Variants in RARB observed in about 807,000 individuals in gnomAD.
RARB encodes the protein retinoic acid receptor beta.
A neutral mutation model predicts 51.9 loss-of-function variants in RARB; 17 were observed. The ratio of observed to expected loss-of-function variants is 0.33; its 90% confidence interval spans 0.22 to 0.49. RARB has a LOEUF of 0.49. Among genes scored for constraint, RARB ranks in the 20% least tolerant of loss-of-function variants. The pLI, the probability that RARB is intolerant of heterozygous loss-of-function variation, is 0.99. For synonymous variants in RARB, 215 were observed against 195.4 expected, an observed-to-expected ratio of 1.10 and a Z score of -0.84; for missense variants, 369 against 550.8, an observed-to-expected ratio of 0.67 and a Z score of 3.30.
chr3:25,358,634 T>C (rs1031795146), intron 5 of RARB, among the ~76,000 whole-genome samples: 1 of 152,212 alleles, frequency 6.6e-6, no homozygotes, highest in East Asian at 1.9e-4. Context: ...ATAGCTCTTA[T>C]TATTTTGAGA....
At chr3:25,512,696 C>T (rs759895544) in intron 3 of RARB, among the ~76,000 whole-genome samples, 1 of 152,210 alleles carries the variant, frequency 6.6e-6, no homozygotes, top group East Asian at 1.9e-4. Flanking sequence ...CACATACACG[C>T]GACACACTTT....
chr3:25,333,423 G>A (rs1704965030), intron 5 of RARB, among the ~76,000 whole-genome samples: 1 of 152,056 alleles, frequency 6.6e-6, no homozygotes, highest in South Asian at 2.1e-4. Flanking sequence ...ACAAGAAATG[G>A]GGAAAGGATT....
intron 2 of RARB, among the ~76,000 whole-genome samples, chr3:24,865,022 G>A (rs1048846172): frequency 5.9e-5 from 9 of 152,072 alleles, no homozygotes; most frequent in African/African-American, 1.9e-4. Flanking sequence ...CGTCTCCATC[G>A]AATGTATTCT....
chr3:25,447,223 C>CA (rs540413275), intron 1 of RARB, among the ~76,000 whole-genome samples: 3 of 146,344 alleles, frequency 2.0e-5, no homozygotes, highest in Non-Finnish European at 1.5e-5. Flanking sequence ...TTTTTTAATT[C>CA]TTTTTTTTTT....
intron 2 of RARB, among the ~76,000 whole-genome samples, chr3:25,056,014 C>T (rs1698433749): frequency 1.3e-5 from 2 of 152,082 alleles, no homozygotes; most frequent in South Asian, 4.1e-4. Context: ...TTAATCTAAC[C>T]AATCTGTCCC....
intron 3 of RARB, among the ~76,000 whole-genome samples, chr3:25,092,711 G>T (rs1191200511): frequency 6.6e-6 from 1 of 152,088 alleles, no homozygotes; most frequent in Admixed American, 6.6e-5. Context: ...AGACGCCTCT[G>T]AGAGAAGTGT....
intron 3 of RARB, among the ~76,000 whole-genome samples, chr3:25,519,101 T>C (rs572069470): frequency 6.6e-6 from 1 of 152,238 alleles, no homozygotes; most frequent in Non-Finnish European, 1.5e-5. Context: ...CCCATGTTGC[T>C]GCATATATTG....
chr3:25,465,081 G>A (rs1187366735), intron 2 of RARB, among the ~76,000 whole-genome samples: 1 of 152,042 alleles, frequency 6.6e-6, no homozygotes, highest in Non-Finnish European at 1.5e-5. Context: ...CAGTATAAGT[G>A]GAATTTTTAG....
intron 3 of RARB, among the ~76,000 whole-genome samples, chr3:25,073,390 G>A (rs564669180): frequency 1.3e-5 from 2 of 152,284 alleles, no homozygotes; most frequent in African/African-American, 2.4e-5. Flanking sequence ...TCTATGTTAG[G>A]ATGTTGTCCC....
intron 3 of RARB, among the ~76,000 whole-genome samples, chr3:25,114,690 C>T (rs897537672): frequency 6.6e-6 from 1 of 152,124 alleles, no homozygotes; most frequent in African/African-American, 2.4e-5. Flanking sequence ...GCCTAGACAA[C>T]CATGTAAGGA....
intron 4 of RARB, among the ~76,000 whole-genome samples, chr3:25,136,859 A>T (rs1310083022): frequency 6.6e-6 from 1 of 152,054 alleles, no homozygotes. Context: ...TCCATAGCAG[A>T]TCATTCACTA....
At chr3:25,265,932 A>T (rs966812949) in intron 5 of RARB, among the ~76,000 whole-genome samples, 6 of 152,118 alleles carry the variant, frequency 3.9e-5, no homozygotes, top group Non-Finnish European at 7.4e-5. Context: ...ACCCACATTC[A>T]TTGGCTCATG....
chr3:25,101,650 T>G (rs574023696), intron 3 of RARB, among the ~76,000 whole-genome samples: 10 of 134,198 alleles, frequency 7.5e-5, no homozygotes, highest in African/African-American at 2.6e-4. Context: ...AATCTTTATG[T>G]TTTTTTTTTT....
At chr3:25,569,012 T>G (rs1353421161) in intron 3 of RARB, among the ~76,000 whole-genome samples, 1 of 152,254 alleles carries the variant, frequency 6.6e-6, no homozygotes, top group Non-Finnish European at 1.5e-5. Flanking sequence ...GGCACCGTGC[T>G]TGGCTCGGAG....
At chr3:24,963,986 G>A (rs1328854738) in intron 2 of RARB, among the ~76,000 whole-genome samples, 1 of 152,104 alleles carries the variant, frequency 6.6e-6, no homozygotes, top group Non-Finnish European at 1.5e-5. Context: ...TTCCATACCT[G>A]ACAAATGATG....
At chr3:25,159,600 T>G (rs944248037) in intron 4 of RARB, among the ~76,000 whole-genome samples, 7 of 152,170 alleles carry the variant, frequency 4.6e-5, no homozygotes, top group African/African-American at 1.7e-4. Context: ...ATCGTACATT[T>G]TATCCATATT....
At chr3:24,925,654 T>TTA (rs1553614641) in intron 2 of RARB, among the ~76,000 whole-genome samples, 1 of 126,094 alleles carries the variant, frequency 7.9e-6, no homozygotes, top group Non-Finnish European at 1.6e-5. Flanking sequence ...TTTTTTTTTT[T>TTA]TAAAAAAAAA....
At chr3:24,984,640 A>G (rs1415577332) in intron 2 of RARB, among the ~76,000 whole-genome samples, 1 of 152,214 alleles carries the variant, frequency 6.6e-6, no homozygotes, top group African/African-American at 2.4e-5. Context: ...ATGAAGTTGC[A>G]TTTATGTATT....
intron 2 of RARB, among the ~76,000 whole-genome samples, chr3:25,461,597 T>A (rs1032439547): frequency 6.6e-6 from 1 of 152,172 alleles, no homozygotes; most frequent in African/African-American, 2.4e-5. Context: ...TCCTTTTAGA[T>A]AATAAGAACT....
Sources: allele counts gnomAD v4.1 joint callset (sites outside exome capture counted in the v4.1 genomes callset), GRCh38; gene constraint gnomAD v4.1.1; transcripts MANE v1.5; gene names NCBI Gene and HGNC (gene_info 2026-07-23, HGNC 2026-07-21).